CFAP44: variants seen among roughly 807,000 people sequenced by gnomAD.
The protein encoded by CFAP44 is cilia and flagella associated protein 44.
A neutral mutation model predicts 216.2 loss-of-function variants in CFAP44; 134 were observed. The observed-to-expected ratio is 0.62, with a 90% CI of 0.54 to 0.72. The LOEUF (loss-of-function observed/expected upper bound fraction) is 0.72, where lower values mean the gene tolerates loss of function less well. Ranked by LOEUF, CFAP44 falls within the 30% of genes least tolerant of loss-of-function variation. The pLI, the probability that CFAP44 is intolerant of heterozygous loss-of-function variation, is 0.00. For synonymous variants in CFAP44, 700 were observed against 727.6 expected, an observed-to-expected ratio of 0.96 and a Z score of 0.61; for missense variants, 2,035 against 2,182.1, an observed-to-expected ratio of 0.93 and a Z score of 1.34.
chr3:113,372,994 G>C (rs777908758), intron 18 of CFAP44, among the ~76,000 whole-genome samples: 66 of 152,146 alleles, frequency 4.3e-4, no homozygotes, highest in South Asian at 1.2e-3. Flanking sequence ...GAGAAAAAAG[G>C]CCAATTTGAA....
intron 21 of CFAP44, 33 bp from the exon 22 acceptor site, chr3:113,358,908 G>A (rs1045910287): frequency 5.9e-6 from 9 of 1,530,822 alleles, no homozygotes; most frequent in African/African-American, 1.4e-5. Flanking sequence ...ATCAAAATGG[G>A]TACTGTATCA....
chr3:113,354,910 C>G (rs1295638757), intron 22 of CFAP44, among the ~76,000 whole-genome samples: 1 of 152,186 alleles, frequency 6.6e-6, no homozygotes, highest in African/African-American at 2.4e-5. Context: ...AAAACACAAC[C>G]AAGGACCCTC....
At chr3:113,395,378 C>A (rs529259243) in intron 15 of CFAP44, among the ~76,000 whole-genome samples, 1 of 152,142 alleles carries the variant, frequency 6.6e-6, no homozygotes, top group Non-Finnish European at 1.5e-5. Flanking sequence ...ACATTCAGAC[C>A]TTAGAATTCA....
chr3:113,356,623 AG>A lies in CFAP44; in HGVS notation c.3065+2121del, dbSNP rs570731285. Among the ~76,000 whole-genome samples the A allele has an allele frequency of 1.9e-3, 289 of 152,282 alleles. 4 individuals are homozygous for A. Among genetic ancestry groups the A allele is most frequent in the Non-Finnish European group, 4.1e-4 (28 of 68,014 alleles). On this transcript the variant is annotated intron_variant, in intron 22 of 34. Coordinates refer to ENST00000393845, the MANE Select transcript of CFAP44 (RefSeq NM_001164496.2). The stretch of plus-strand genomic sequence containing the variant: ...GATGGTCTTTTCAACAAAAAATACT[AG>A]GTCAATCGGATATCAATATAAAAAC...
At chr3:113,307,708 G>A (rs549259110) in intron 29 of CFAP44, among the ~76,000 whole-genome samples, 2 of 152,292 alleles carry the variant, frequency 1.3e-5, no homozygotes, top group East Asian at 1.9e-4. Flanking sequence ...GATGGCTCAC[G>A]CCTGTAATCC....
Position 113,287,321 on chromosome 3 carries a change from A to G in CFAP44, c.*4236T>C, listed in dbSNP as rs1466656485. 2 of 305,640 alleles carry G rather than the reference A, an allele frequency of 6.5e-6. No homozygotes were observed. The highest frequency in any genetic ancestry group is 6.5e-6 in the Non-Finnish European group (1 of 154,650). The allele number at this position is 305,640 out of a possible 1,614,324, so 18.9% of individuals were successfully genotyped here. A position where few individuals can be genotyped will look rare whatever the true frequency, so the allele number is the denominator to read the frequency against. On this transcript the variant is annotated 3_prime_UTR_variant, in exon 35 of 35. Transcript: ENST00000393845. ...CGGGAAACATTTTCCTAAGATGCCC[A>G]TGAGAACAGACCAAGATGTGTACAG...
intron 22 of CFAP44, among the ~76,000 whole-genome samples, chr3:113,347,923 T>C (rs562610494): frequency 6.6e-6 from 1 of 152,156 alleles, no homozygotes; most frequent in African/African-American, 2.4e-5. Context: ...AAATCCGATT[T>C]TTCTCGGTCC....
chr3:113,355,784 A>G (rs1001494402), intron 22 of CFAP44, among the ~76,000 whole-genome samples: 1 of 151,920 alleles, frequency 6.6e-6, no homozygotes, highest in East Asian at 1.9e-4. Flanking sequence ...AAAAAAAGTT[A>G]CAAAAAAAAT....
At chr3:113,433,705 G>A (rs536081422) in intron 1 of CFAP44, 36 bp from the exon 2 acceptor site, 4 of 1,489,504 alleles carry the variant, frequency 2.7e-6, no homozygotes, top group Non-Finnish European at 3.7e-6. Context: ...TATGGATAAA[G>A]CTGTAAAATT....
chr3:113,334,837 TTGG>T (rs1002610646), intron 24 of CFAP44, among the ~76,000 whole-genome samples: 1 of 152,220 alleles, frequency 6.6e-6, no homozygotes, highest in African/African-American at 2.4e-5. Context: ...TCATAGTACC[TTGG>T]TACTAATAAA....
rs1282912410 is a variant in CFAP44, at chr3:113,379,356, G to A, written c.2248C>T (p.Pro750Ser). The change falls in exon 17 of 35, where the codon CCC becomes TCC. Residue 750 changes from proline (P) to serine (S), a missense_variant. Pro to Ser is a moderately conservative substitution (Grantham distance 74). Around this residue, in one of 3 missense-constraint regions of CFAP44, gnomAD observed 1,883 missense variants for 2,023.7 expected, o/e 0.93. Transcript: ENST00000393845. ...TCTGAGTAAAATCCACAGAGGATGG[G>A]AGAGGGGGTTGACGGAATAAATATT... The part of the protein sequence containing the change: ...PEIFIPSTPS[P>S]ILCGFYSEPG... 3 of 1,612,474 alleles carry A rather than the reference G, an allele frequency of 1.9e-6. No individual in the cohort carries two copies. Among genetic ancestry groups the A allele is most frequent in the Non-Finnish European group, 2.5e-6 (3 of 1,178,832 alleles).
chr3:113,428,038 C>A (rs1935007671), intron 2 of CFAP44, among the ~76,000 whole-genome samples: 1 of 152,170 alleles, frequency 6.6e-6, no homozygotes, highest in Non-Finnish European at 1.5e-5. Flanking sequence ...GATAGAAAAG[C>A]TGGGCCAAGC....
chr3:113,408,314 G>T (rs915173403), intron 7 of CFAP44, among the ~76,000 whole-genome samples: 1 of 152,160 alleles, frequency 6.6e-6, no homozygotes, highest in Non-Finnish European at 1.5e-5. Flanking sequence ...AATGAAAAGA[G>T]CATGGAGTTT....
rs1024067456 is a variant in CFAP44, at chr3:113,289,081, A to C, written c.*2476T>G. 2 of 152,196 alleles carry C rather than the reference A, an allele frequency of 1.3e-5. No individual in the cohort carries two copies. Among genetic ancestry groups the C allele is most frequent in the Admixed American group, 6.5e-5 (1 of 15,274 alleles). The allele number at this position is 152,196 out of a possible 1,614,324, so 9.4% of individuals were successfully genotyped here. The stretch of plus-strand genomic sequence containing the variant: ...GGATAGCTTCCCAGCCACCCTGCCC[A>C]TGCCACACCCTGCTGGTCTACTTGT... On this transcript the variant is annotated 3_prime_UTR_variant, in exon 35 of 35. Coordinates refer to ENST00000393845, the MANE Select transcript of CFAP44 (RefSeq NM_001164496.2).
chr3:113,377,583 ATAAG>A (rs1326968557), intron 17 of CFAP44, among the ~76,000 whole-genome samples: 16 of 152,206 alleles, frequency 1.1e-4, no homozygotes, highest in South Asian at 2.1e-4. Flanking sequence ...CTGATACAGA[ATAAG>A]TAAGTTGTCA....
At chr3:113,434,296 G>T (rs1034146012) in intron 1 of CFAP44, among the ~76,000 whole-genome samples, 2 of 152,150 alleles carry the variant, frequency 1.3e-5, no homozygotes, top group Non-Finnish European at 2.9e-5. Context: ...TTGAGACATG[G>T]ATGATGGTCA....
intron 25 of CFAP44, among the ~76,000 whole-genome samples, 184 bp from the exon 26 acceptor site, chr3:113,330,852 G>A (rs1950235774): frequency 6.6e-6 from 1 of 151,888 alleles, no homozygotes; most frequent in East Asian, 1.9e-4. Context: ...TTCCATTTAG[G>A]CCCTCCAAGA....
chr3:113,303,616 G>A lies in CFAP44; in HGVS notation c.5077+300C>T, dbSNP rs148496465. Among the ~76,000 whole-genome samples the A allele has an allele frequency of 6.3e-4, 96 of 152,238 alleles. 1 individual carries two copies. In the Middle Eastern group the frequency reaches 0.02, roughly 32 times the overall value. On this transcript the variant is annotated intron_variant, in intron 32 of 34. Coordinates refer to ENST00000393845, the MANE Select transcript of CFAP44 (RefSeq NM_001164496.2). ...GATGGGGCTTCGATTGTATCTCAAC[G>A]TTTTCTTTCTTAACCTGGGTAGTCT...
chr3:113,403,748 T>C (rs1934201745), intron 9 of CFAP44, 104 bp downstream of exon 9: 1 of 1,307,628 alleles, frequency 7.6e-7, no homozygotes, highest in Non-Finnish European at 1.0e-6. Context: ...AGTAAATGAC[T>C]ACTGATCTCC....
Sources: allele counts gnomAD v4.1 joint callset (sites outside exome capture counted in the v4.1 genomes callset), GRCh38; gene constraint gnomAD v4.1.1; regional missense constraint gnomAD v4.1.1; transcripts MANE v1.5; gene names NCBI Gene and HGNC (gene_info 2026-07-23, HGNC 2026-07-21).